Variants in C4BPA observed in about 807,000 individuals in gnomAD.
C4BPA encodes the protein complement component 4 binding protein alpha.
A neutral mutation model predicts 63.7 loss-of-function variants in C4BPA; 31 were observed. The observed-to-expected ratio is 0.49, with a 90% CI of 0.37 to 0.66. The LOEUF (loss-of-function observed/expected upper bound fraction) is 0.66, where lower values mean the gene tolerates loss of function less well. Among genes scored for constraint, C4BPA ranks in the 30% least tolerant of loss-of-function variants. The pLI is 0.00. For synonymous variants in C4BPA, 259 were observed against 254.7 expected (o/e 1.02, Z -0.16); for missense variants, 572 against 723.3 (o/e 0.79, Z 2.40).
chr1:207,122,032 A>G (rs1684932883), intron 4 of C4BPA, among the ~76,000 whole-genome samples: 1 of 152,154 alleles, frequency 6.6e-6, no homozygotes, highest in Admixed American at 6.6e-5. Flanking sequence ...TCTTAGTTAT[A>G]CTATTTCAGT....
chr1:207,123,863 C>G, intron 4 of C4BPA, 59 bp from the exon 5 acceptor site: 1 of 959,150 alleles, frequency 1.0e-6, no homozygotes, highest in Non-Finnish European at 1.6e-6. Flanking sequence ...GCTCAGACCT[C>G]TTTAATTTAA....
chr1:207,140,413 C>A (rs1685387668), intron 9 of C4BPA, among the ~76,000 whole-genome samples: 1 of 152,154 alleles, frequency 6.6e-6, no homozygotes, highest in African/African-American at 2.4e-5. Context: ...ATCAGCTTTT[C>A]CATGCTTCCA....
chr1:207,114,045 A>G (rs943966641), intron 2 of C4BPA, 55 bp from the exon 3 acceptor site: 27 of 1,436,470 alleles, frequency 1.9e-5, no homozygotes, highest in Non-Finnish European at 2.5e-5. Flanking sequence ...AGAAACAATA[A>G]GATGCTGTGT....
chr1:207,128,985 G>T (rs1225648400), intron 7 of C4BPA, among the ~76,000 whole-genome samples: 1 of 152,086 alleles, frequency 6.6e-6, no homozygotes. Flanking sequence ...AAAGTTCAAA[G>T]AATCACAAAG....
At chr1:207,129,932 C>G (rs925021741) in intron 7 of C4BPA, among the ~76,000 whole-genome samples, 3 of 152,098 alleles carry the variant, frequency 2.0e-5, no homozygotes, top group African/African-American at 7.2e-5. Context: ...GGTGTCATTT[C>G]TGTACTATAA....
At chr1:207,143,420 C>T (rs1183968473) in intron 10 of C4BPA, among the ~76,000 whole-genome samples, 1 of 152,066 alleles carries the variant, frequency 6.6e-6, no homozygotes, top group Admixed American at 6.5e-5. Flanking sequence ...ACCACCATGG[C>T]ACATGCATAC....
intron 1 of C4BPA, among the ~76,000 whole-genome samples, chr1:207,112,144 A>G (rs1266893971): frequency 6.6e-6 from 1 of 151,976 alleles, no homozygotes; most frequent in East Asian, 1.9e-4. Context: ...ACAAGTCTAT[A>G]TAGTCTGATT....
intron 5 of C4BPA, 39 bp downstream of exon 5, chr1:207,124,046 C>A: frequency 6.6e-7 from 1 of 1,526,464 alleles, no homozygotes; most frequent in Non-Finnish European, 9.1e-7. Flanking sequence ...TCAATTTAAA[C>A]TCTGTTAGGT....
At chr1:207,122,762 T>A (rs1173440810) in intron 4 of C4BPA, among the ~76,000 whole-genome samples, 2 of 151,990 alleles carry the variant, frequency 1.3e-5, no homozygotes, top group Non-Finnish European at 2.9e-5. Context: ...TTAATAGAGA[T>A]GGGGTTTTGT....
At position 207,119,231 on chromosome 1, in the gene C4BPA, C is replaced by T. The variant is rs1296882426; in HGVS notation, c.428+3716C>T. Among the ~76,000 whole-genome samples, 4 of 92,386 alleles carry T rather than the reference C, an allele frequency of 4.3e-5. 1 individual carries two copies. Among genetic ancestry groups the T allele is most frequent in the Non-Finnish European group, 8.0e-5 (3 of 37,362 alleles). The allele number at this position is 92,386 out of a possible 152,430, so 60.6% of individuals were successfully genotyped here. Reference sequence around the variant, plus strand: ...CCTGCAGGAGCTGGCTCTGCTGTGGCCTGGTTGAGCCCTCTACTAACAAAG... The same window carrying T: ...CCTGCAGGAGCTGGCTCTGCTGTGGTCTGGTTGAGCCCTCTACTAACAAAG... On this transcript the variant is annotated intron_variant, in intron 4 of 11. Coordinates refer to ENST00000367070, the MANE Select transcript of C4BPA (RefSeq NM_000715.4).
intron 4 of C4BPA, among the ~76,000 whole-genome samples, chr1:207,118,165 G>GTCTGTCTA (rs1326931005): frequency 1.3e-5 from 1 of 77,082 alleles, no homozygotes; most frequent in Admixed American, 1.5e-4. Context: ...CTGTCTGTCT[G>GTCTGTCTA]TCTATCTATC....
In C4BPA at chr1:207,141,020, T is replaced by C. The variant is rs1029452721; in HGVS notation, c.1274-86T>C. ...GAGGATAGAAGGACAGAATGAAGCC[T>C]CCTACAAACTACATGTATTCTGCAA... is the stretch of plus-strand genomic sequence containing the variant. On this transcript the variant is annotated intron_variant, in intron 9 of 11. Coordinates refer to ENST00000367070, the MANE Select transcript of C4BPA (RefSeq NM_000715.4). The C allele has an allele frequency of 7.8e-6, 8 of 1,031,880 alleles. No individual in the cohort carries two copies. In the Middle Eastern group the frequency reaches 9.4e-4, roughly 121 times the overall value. 63.9% of individuals were successfully genotyped at this position (1,031,880 alleles called of 1,614,324 possible).
intron 4 of C4BPA, among the ~76,000 whole-genome samples, chr1:207,118,072 TA>T (rs1558089207): frequency 1.3e-5 from 2 of 152,314 alleles, no homozygotes; most frequent in Middle Eastern, 3.4e-3. Context: ...TTTGGTATTT[TA>T]AATGGATTAT....
At chr1:207,132,705 A>G (rs1685188647) in intron 8 of C4BPA, among the ~76,000 whole-genome samples, 1 of 152,248 alleles carries the variant, frequency 6.6e-6, no homozygotes, top group Admixed American at 6.5e-5. Context: ...AGTATTGCTT[A>G]TAAATGTTTA....
In C4BPA at chr1:207,114,101, C is replaced by G. The variant is rs773226295; in HGVS notation, c.144C>G (p.Gly48=). ...LIAALLPAVL[G]NCGPPPTLSF... ...GCTCCTTCTCATTTTGGTGTCCAGG[C>G]AATTGTGGTCCTCCACCCACTTTAT... is the stretch of plus-strand genomic sequence containing the variant. Residue 48 remains glycine, a splice_region_variant and synonymous_variant, in exon 3 of 12, where the codon GGC becomes GGG. Transcript: ENST00000367070. 10 of 1,610,518 alleles carry G rather than the reference C, an allele frequency of 6.2e-6. No individual in the cohort carries two copies. Among genetic ancestry groups the G allele is most frequent in the Non-Finnish European group, 8.5e-6 (10 of 1,178,008 alleles).
At chr1:207,105,650 T>C (rs930784927) in intron 1 of C4BPA, among the ~76,000 whole-genome samples, 5 of 151,348 alleles carry the variant, frequency 3.3e-5, no homozygotes, top group Non-Finnish European at 7.4e-5. Context: ...AGTGATATAA[T>C]TGAGAGCCCA....
At chr1:207,116,433 CAT>C (rs1360975498) in intron 4 of C4BPA, among the ~76,000 whole-genome samples, 2 of 151,388 alleles carry the variant, frequency 1.3e-5, no homozygotes, top group African/African-American at 4.9e-5. Flanking sequence ...TAGACATACA[CAT>C]GAGTCTGTGC....
At position 207,141,263 on chromosome 1, in the gene C4BPA, C is replaced by T. The variant is rs1685409145; in HGVS notation, c.1431C>T (p.Ala477=). ...GTTATTCACACTGGTCAGCTCCAGC[C>T]CCTCAATGTAAAGGTAACTCCAGCT... ...SCSYSHWSAP[A]PQCKALCRKP... Residue 477 remains alanine, a synonymous_variant, in exon 10 of 12, where the codon GCC becomes GCT. Transcript: ENST00000367070. 4 of 1,612,790 alleles carry T rather than the reference C, an allele frequency of 2.5e-6. No individual in the cohort carries two copies. Among genetic ancestry groups the T allele is most frequent in the African/African-American group, 2.7e-5 (2 of 74,976 alleles).
At chr1:207,113,308 G>C in intron 2 of C4BPA, 141 bp downstream of exon 2, 1 of 877,396 alleles carries the variant, frequency 1.1e-6, no homozygotes, top group Non-Finnish European at 1.7e-6. Flanking sequence ...TGACAGGCTA[G>C]AACTTAGGGA....
Sources: gnomAD v4.1 joint callset for allele counts (sites outside exome capture counted in the v4.1 genomes callset) on GRCh38, gnomAD v4.1.1 for gene constraint, MANE v1.5 for transcripts, NCBI Gene and HGNC (gene_info 2026-07-23, HGNC 2026-07-21) for gene names.